Variants in PLA2R1 observed in about 807,000 individuals in gnomAD.
The protein encoded by PLA2R1 is secretory phospholipase A2 receptor.
In PLA2R1, 158 loss-of-function variants were observed where a neutral mutation model predicts 195.9. The ratio of observed to expected loss-of-function variants is 0.81; its 90% CI spans 0.71 to 0.92. PLA2R1 has a LOEUF of 0.92. PLA2R1 is among the 40% of genes least tolerant of loss of function. The probability of loss-of-function intolerance (pLI) is 0.00; values close to 1 mark genes in which losing one functional copy is unlikely to be tolerated. For missense variants in PLA2R1, 1,626 were observed against 1,764.6 expected (o/e 0.92, Z 1.41); for synonymous variants, 586 against 598.2 (o/e 0.98, Z 0.30).
intron 1 of PLA2R1, among the ~76,000 whole-genome samples, chr2:160,054,299 G>GA (rs1412673859): frequency 6.6e-6 from 1 of 151,878 alleles, no homozygotes; most frequent in African/African-American, 2.4e-5. Context: ...ATAATAAAAA[G>GA]AAAAAAATAA....
In PLA2R1 at chr2:160,062,361, C is replaced by T. The variant is rs1027479823; in HGVS notation, c.43G>A (p.Ala15Thr). The T allele has an allele frequency of 2.6e-6, 4 of 1,537,332 alleles. No individual in the cohort carries two copies. The highest frequency in any genetic ancestry group is 2.6e-5 in the East Asian group (1 of 38,950). ...ACACCCTCGGCGCAGCCCCGCGGCG[C>T]CCCCAGCAGCAGCAGCAGCAGCAGC... ...PSLLLLLLLG[A>T]PRGCAEGVAA... The change falls in exon 1 of 30, where the codon GCG becomes ACG. Residue 15 changes from alanine to threonine, a missense_variant. Coordinates refer to ENST00000283243, the MANE Select transcript of PLA2R1 (RefSeq NM_007366.5).
intron 19 of PLA2R1, among the ~76,000 whole-genome samples, chr2:159,968,623 T>A (rs1560158239): frequency 6.6e-6 from 1 of 152,212 alleles, no homozygotes; most frequent in Non-Finnish European, 1.5e-5. Context: ...TAGTTATGAA[T>A]CTGTTAGAGT....
At chr2:159,976,566 G>T in intron 16 of PLA2R1, 119 bp downstream of exon 16, 1 of 691,140 alleles carries the variant, frequency 1.4e-6, no homozygotes, top group South Asian at 1.8e-5. Flanking sequence ...GCTCTAGGTT[G>T]ACACAAGAAA....
downstream of PLA2R1, among the ~76,000 whole-genome samples, chr2:159,930,169 G>A (rs1485570872): frequency 6.6e-6 from 1 of 152,156 alleles, no homozygotes; most frequent in African/African-American, 2.4e-5. Context: ...AGCACTTTGG[G>A]AGGCCAAGGC....
chr2:159,980,660 T>C (rs1199093837), intron 13 of PLA2R1, among the ~76,000 whole-genome samples: 1 of 152,202 alleles, frequency 6.6e-6, no homozygotes, highest in Admixed American at 6.5e-5. Flanking sequence ...GAGAATCACC[T>C]TCCCTTCTAT....
intron 3 of PLA2R1, among the ~76,000 whole-genome samples, chr2:160,034,613 G>A (rs1413471780): frequency 6.6e-6 from 1 of 152,100 alleles, no homozygotes; most frequent in Non-Finnish European, 1.5e-5. Context: ...GGGGAGCGGG[G>A]GTGTGTTCAT....
intron 17 of PLA2R1, among the ~76,000 whole-genome samples, chr2:159,971,832 G>A (rs150815014): frequency 1.3e-5 from 2 of 152,188 alleles, no homozygotes; most frequent in East Asian, 3.9e-4. Flanking sequence ...TTTATAAACA[G>A]GTATTTTTAT....
chr2:159,977,925 G>A (rs1210316315), intron 14 of PLA2R1, among the ~76,000 whole-genome samples: 6 of 151,616 alleles, frequency 4.0e-5, no homozygotes, highest in African/African-American at 7.3e-5. Flanking sequence ...GCAAGACTCT[G>A]TCTCAAAAAA....
chr2:160,058,639 G>A lies in PLA2R1; in HGVS notation c.109+3656C>T, dbSNP rs1877196. On this transcript the variant is annotated intron_variant, in intron 1 of 29. Transcript: ENST00000283243. The stretch of plus-strand genomic sequence containing the variant: ...CTCCATCCCCTTCTTCTTTCTCCCC[G>A]CTGTCCACTTTGTATCTGGAGTACT... Among the ~76,000 whole-genome samples, 291 of 151,932 alleles carry A rather than the reference G, an allele frequency of 1.9e-3. 2 individuals are homozygous for A. In the Middle Eastern group the frequency reaches 0.054, roughly 28 times the overall value.
At chr2:159,967,755 T>C in intron 19 of PLA2R1, 77 bp from the exon 20 acceptor site, 1 of 1,193,832 alleles carries the variant, frequency 8.4e-7, no homozygotes, top group Non-Finnish European at 1.2e-6. Flanking sequence ...GATCACTATT[T>C]TTATGAGGCT....
chr2:159,931,606 T>G (rs1686590061), downstream of PLA2R1, among the ~76,000 whole-genome samples: 1 of 152,158 alleles, frequency 6.6e-6, no homozygotes, highest in Non-Finnish European at 1.5e-5. Flanking sequence ...CAGGCTGGAG[T>G]GCAGTGGTGC....
rs547249421 is a variant in PLA2R1, at chr2:159,964,764, AAAGTT to A, written c.2904+2770_2904+2774del. On this transcript the variant is annotated intron_variant, in intron 20 of 29. Coordinates refer to ENST00000283243, the MANE Select transcript of PLA2R1 (RefSeq NM_007366.5). ...TAAAGAGCAGTTTTAGGTTCACAGC[AAAGTT>A]AAGAGGAAGGTACAACTTTGGGAGA... 5.5e-3 allele frequency among the ~76,000 whole-genome samples: 842 copies of A among 152,160 alleles called. 7 individuals carry two copies. Among genetic ancestry groups the A allele is most frequent in the Non-Finnish European group, 8.4e-3 (568 of 67,974 alleles).
At chr2:159,989,720 A>AT (rs1204464146) in intron 11 of PLA2R1, among the ~76,000 whole-genome samples, 9 of 152,188 alleles carry the variant, frequency 5.9e-5, no homozygotes, top group Admixed American at 2.0e-4. Flanking sequence ...ATACCCCTGC[A>AT]ATGTTGCTAT....
intron 11 of PLA2R1, among the ~76,000 whole-genome samples, chr2:159,995,164 A>C (rs1057479373): frequency 2.6e-5 from 4 of 152,130 alleles, no homozygotes; most frequent in African/African-American, 9.7e-5. Context: ...TTAAAAGAAA[A>C]AGGGAAACAC....
intron 13 of PLA2R1, among the ~76,000 whole-genome samples, chr2:159,980,557 T>C (rs1689874687): frequency 6.6e-6 from 1 of 152,194 alleles, no homozygotes; most frequent in South Asian, 2.1e-4. Context: ...TTTTCAGATA[T>C]CAACACAAAT....
chr2:160,047,660 G>C (rs1021095345), intron 1 of PLA2R1, among the ~76,000 whole-genome samples: 6 of 152,202 alleles, frequency 3.9e-5, no homozygotes, highest in African/African-American at 1.4e-4. Context: ...GCCTTCATCT[G>C]TTGATTTTCT....
downstream of PLA2R1, among the ~76,000 whole-genome samples, chr2:159,929,866 G>C (rs1452810720): frequency 8.8e-6 from 1 of 113,774 alleles, no homozygotes; most frequent in African/African-American, 3.1e-5. Context: ...GTGTGTGTGT[G>C]TGTGTGTATA....
chr2:159,941,949 C>A lies in PLA2R1; in HGVS notation c.4221G>T (p.Leu1407=). 2 of 1,613,930 alleles carry A rather than the reference C, an allele frequency of 1.2e-6. No individual in the cohort carries two copies. The highest frequency in any genetic ancestry group is 1.7e-6 in the Non-Finnish European group (2 of 1,179,874). ...SIIPLAVVLT[L]IVIVAICTLS... is the part of the protein sequence containing the mutation. ...GTGTGCAAATGGCCACAATGACTATCAGTGTCAGTACAACCGCAAGAGGAA... is the reference window on the plus strand; with the variant it reads ...GTGTGCAAATGGCCACAATGACTATAAGTGTCAGTACAACCGCAAGAGGAA... Residue 1407 remains leucine (L), a synonymous_variant, in exon 30 of 30, where the codon CTG becomes CTT. Transcript: ENST00000283243.
intron 1 of PLA2R1, among the ~76,000 whole-genome samples, chr2:160,053,441 T>C (rs2105682120): frequency 6.6e-6 from 1 of 151,624 alleles, no homozygotes; most frequent in Admixed American, 6.6e-5. Flanking sequence ...GCAATGAAAA[T>C]ACGTGGTTTT....
Sources: gnomAD v4.1 joint callset for allele counts (sites outside exome capture counted in the v4.1 genomes callset) on GRCh38, gnomAD v4.1.1 for gene constraint, MANE v1.5 for transcripts, NCBI Gene and HGNC (gene_info 2026-07-23, HGNC 2026-07-21) for gene names.